Variants in CTNND2 observed in about 807,000 individuals in gnomAD.
CTNND2 encodes the protein catenin delta 2.
In CTNND2, 22 loss-of-function variants were observed where a neutral mutation model predicts 144.4. The ratio of observed to expected loss-of-function variants is 0.15; its 90% CI spans 0.11 to 0.22. The LOEUF (loss-of-function observed/expected upper bound fraction) is 0.22. CTNND2 is among the 10% of genes least tolerant of loss of function. The pLI is 1.00. For synonymous variants in CTNND2, 751 were observed against 695.6 expected (o/e 1.08, Z -1.25); for missense variants, 1,353 against 1,618.8 (o/e 0.84, Z 2.82).
chr5:11,511,315 C>T (rs1411240887), intron 3 of CTNND2, among the ~76,000 whole-genome samples: 2 of 152,274 alleles, frequency 1.3e-5, no homozygotes, highest in East Asian at 1.9e-4. Flanking sequence ...AAAGTTTTAA[C>T]CCAGGATGTG....
At chr5:11,414,623 G>A (rs970396900) in intron 3 of CTNND2, among the ~76,000 whole-genome samples, 9 of 152,042 alleles carry the variant, frequency 5.9e-5, no homozygotes, top group Admixed American at 2.0e-4. Flanking sequence ...CTTTATTTCC[G>A]GGATCCATGC....
At chr5:11,162,347 T>C (rs1758854323) in intron 11 of CTNND2, among the ~76,000 whole-genome samples, 1 of 152,152 alleles carries the variant, frequency 6.6e-6, no homozygotes, top group African/African-American at 2.4e-5. Context: ...ATCTAGTACC[T>C]GACAAGAAGT....
intron 11 of CTNND2, among the ~76,000 whole-genome samples, chr5:11,189,220 G>A (rs1406497987): frequency 6.6e-6 from 1 of 152,068 alleles, no homozygotes; most frequent in African/African-American, 2.4e-5. Context: ...TGAAAAACAG[G>A]TGCCATGATC....
At chr5:11,733,112 GTA>G (rs1321847773) in intron 1 of CTNND2, among the ~76,000 whole-genome samples, 1 of 152,100 alleles carries the variant, frequency 6.6e-6, no homozygotes, top group Admixed American at 6.6e-5. Context: ...AAATAAACGT[GTA>G]TACATATGTG....
In CTNND2 at chr5:11,518,789, C is replaced by A. The variant is rs940690354; in HGVS notation, c.287+46155G>T. Among the ~76,000 whole-genome samples the A allele has an allele frequency of 3.3e-5, 5 of 152,148 alleles. 1 individual carries two copies. Among genetic ancestry groups the A allele is most frequent in the Admixed American group, 3.3e-4 (5 of 15,276 alleles). ...AGGTGCAATAGACTATACCATATAACCTGGTGTGTAGTTGGCTAGACCACT... is the reference window on the plus strand; with the variant it reads ...AGGTGCAATAGACTATACCATATAAACTGGTGTGTAGTTGGCTAGACCACT... On this transcript the variant is annotated intron_variant, in intron 3 of 21. Transcript: ENST00000304623.
chr5:11,199,968 A>G (rs1487415772), intron 10 of CTNND2, among the ~76,000 whole-genome samples: 1 of 152,236 alleles, frequency 6.6e-6, no homozygotes, highest in Non-Finnish European at 1.5e-5. Flanking sequence ...AACCTCATGG[A>G]TGAAGCACAT....
intron 3 of CTNND2, among the ~76,000 whole-genome samples, chr5:11,424,506 G>A (rs993360174): frequency 1.3e-5 from 2 of 151,990 alleles, no homozygotes; most frequent in Non-Finnish European, 2.9e-5. Context: ...TATAAAACTG[G>A]GGAAATCTGT....
chr5:11,428,088 G>A (rs551974184), intron 3 of CTNND2, among the ~76,000 whole-genome samples: 78 of 151,918 alleles, frequency 5.1e-4, no homozygotes, highest in Non-Finnish European at 7.8e-4. Flanking sequence ...GAAAAAGACC[G>A]CCCCCATGAT....
At chr5:11,792,500 A>T (rs927195590) in intron 1 of CTNND2, among the ~76,000 whole-genome samples, 1 of 152,212 alleles carries the variant, frequency 6.6e-6, no homozygotes, top group African/African-American at 2.4e-5. Flanking sequence ...TGCAAATATA[A>T]GAAAGAGAAA....
intron 2 of CTNND2, among the ~76,000 whole-genome samples, chr5:11,572,682 C>T (rs1203128580): frequency 6.6e-6 from 1 of 152,138 alleles, no homozygotes; most frequent in Non-Finnish European, 1.5e-5. Context: ...TTATCTATTT[C>T]CCCCAGTGGC....
chr5:11,169,504 C>A (rs180995977), intron 11 of CTNND2, among the ~76,000 whole-genome samples: 2 of 152,268 alleles, frequency 1.3e-5, no homozygotes, highest in African/African-American at 4.8e-5. Flanking sequence ...ATGCATGGAA[C>A]AAAGGGTATT....
At chr5:10,977,873 G>A (rs1736693177) in intron 21 of CTNND2, among the ~76,000 whole-genome samples, 1 of 152,190 alleles carries the variant, frequency 6.6e-6, no homozygotes, top group Non-Finnish European at 1.5e-5. Flanking sequence ...AGAGTTCACT[G>A]AAAATGTGCC....
chr5:11,557,629 T>A (rs1327578649), intron 3 of CTNND2, among the ~76,000 whole-genome samples: 1 of 152,210 alleles, frequency 6.6e-6, no homozygotes, highest in Admixed American at 6.5e-5. Flanking sequence ...AAAGGACTTG[T>A]GTGATTAGGT....
At chr5:11,358,422 C>T (rs1756121798) in intron 8 of CTNND2, among the ~76,000 whole-genome samples, 2 of 152,094 alleles carry the variant, frequency 1.3e-5, no homozygotes, top group Non-Finnish European at 2.9e-5. Flanking sequence ...AAATTTCTAA[C>T]TGGGTAACAA....
intron 2 of CTNND2, among the ~76,000 whole-genome samples, chr5:11,720,267 T>G (rs965549514): frequency 1.3e-5 from 2 of 152,158 alleles, no homozygotes; most frequent in Non-Finnish European, 2.9e-5. Context: ...GCAGTGAAAC[T>G]TGCCATTGTC....
At position 11,732,232 on chromosome 5, in the gene CTNND2, C is replaced by T. The variant is rs1285569652; in HGVS notation, c.78G>A (p.Glu26=). Residue 26 remains glutamate, a synonymous_variant, in exon 2 of 22, where the codon GAG becomes GAA. Transcript: ENST00000304623. ...AGCCGGGGCTCAGGGAACTCGTCTT[C>T]TCTGAGGCTGATGAAGGCTGGTCTG... The part of the protein sequence containing the change: ...PVPDQPSSAS[E]KTSSLSPGLN... 1 of 1,613,880 alleles carries T rather than the reference C, an allele frequency of 6.2e-7. No individual in the cohort carries two copies. The highest frequency in any genetic ancestry group is 8.5e-7 in the Non-Finnish European group (1 of 1,179,942).
At chr5:11,709,571 T>C (rs928090394) in intron 2 of CTNND2, among the ~76,000 whole-genome samples, 2 of 152,222 alleles carry the variant, frequency 1.3e-5, no homozygotes, top group Non-Finnish European at 2.9e-5. Context: ...AGTTAGTTAT[T>C]TTTTTCTGCT....
intron 11 of CTNND2, among the ~76,000 whole-genome samples, chr5:11,164,352 A>C (rs565192976): frequency 3.3e-5 from 5 of 152,334 alleles, no homozygotes; most frequent in African/African-American, 1.2e-4. Flanking sequence ...TCCCTTCAAA[A>C]ATAACCTGTT....
intron 11 of CTNND2, among the ~76,000 whole-genome samples, chr5:11,165,146 T>C (rs2149777453): frequency 6.6e-6 from 1 of 152,328 alleles, no homozygotes; most frequent in South Asian, 2.1e-4. Context: ...TCACAAATAA[T>C]AAATCCAAAC....
Sources: allele counts gnomAD v4.1 joint callset (sites outside exome capture counted in the v4.1 genomes callset), GRCh38; gene constraint gnomAD v4.1.1; transcripts MANE v1.5; gene names NCBI Gene and HGNC (gene_info 2026-07-23, HGNC 2026-07-21).